The following KCNQ3 variants were observed in gnomAD, a reference collection of about 807,000 sequenced individuals.
KCNQ3 encodes the protein potassium voltage-gated channel subfamily Q member 3.
Under a neutral mutation model 92.5 loss-of-function variants are expected in KCNQ3, and 30 were observed. That is an observed-to-expected ratio of 0.32 (90% CI 0.24 to 0.44). The LOEUF is 0.44. KCNQ3 is among the 20% of genes least tolerant of loss of function. The pLI is 1.00. For synonymous variants in KCNQ3, 450 were observed against 468.8 expected (o/e 0.96, Z 0.52); for missense variants, 913 against 1,140.3 (o/e 0.80, Z 2.87).
chr8:132,277,914 C>A, intron 1 of KCNQ3: 1 of 981,782 alleles, frequency 1.0e-6, no homozygotes, highest in Middle Eastern at 5.2e-4. Context: ...CTGCTCCTAC[C>A]TCCCTCTCCT....
intron 1 of KCNQ3, among the ~76,000 whole-genome samples, chr8:132,323,170 T>G (rs1038783413): frequency 6.6e-6 from 1 of 152,164 alleles, no homozygotes; most frequent in East Asian, 1.9e-4. Flanking sequence ...AACAGCTCAG[T>G]GCCCTCTGTC....
At chr8:132,282,161 T>C (rs984789646) in intron 1 of KCNQ3, among the ~76,000 whole-genome samples, 13 of 152,164 alleles carry the variant, frequency 8.5e-5, no homozygotes, top group Admixed American at 3.9e-4. Flanking sequence ...GATAAAGAAC[T>C]GGTTTTATCT....
At chr8:132,167,008 A>G (rs1455843618) in intron 8 of KCNQ3, among the ~76,000 whole-genome samples, 1 of 152,216 alleles carries the variant, frequency 6.6e-6, no homozygotes, top group Non-Finnish European at 1.5e-5. Flanking sequence ...ACAAAAGCCA[A>G]AAAGTGGAAA....
chr8:132,444,000 T>A (rs1439265123), intron 1 of KCNQ3, among the ~76,000 whole-genome samples: 1 of 152,192 alleles, frequency 6.6e-6, no homozygotes, highest in Non-Finnish European at 1.5e-5. Context: ...CCTTTTCTTC[T>A]TATCAGAAAC....
chr8:132,151,071 T>C (rs1341098100), intron 9 of KCNQ3, among the ~76,000 whole-genome samples: 3 of 152,240 alleles, frequency 2.0e-5, no homozygotes, highest in African/African-American at 7.2e-5. Context: ...CTAGGTTGGC[T>C]AAATGTTTTA....
In KCNQ3 at chr8:132,122,100, A is replaced by AG. The variant is rs1824488314; in HGVS notation, c.*7161dup. ...GCTAGGGCCTGATTTGAGAGGAAGA[A>AG]GGGGGAGAGAGAATGAGCTTTCCAG... On this transcript the variant is annotated 3_prime_UTR_variant, in exon 15 of 15. Transcript: ENST00000388996. 6.6e-6 allele frequency: 1 copy of AG among 152,242 alleles called. No homozygotes were observed. Among genetic ancestry groups the AG allele is most frequent in the Non-Finnish European group, 1.5e-5 (1 of 68,064 alleles). The allele number at this position is 152,242 out of a possible 1,614,324, so 9.4% of individuals were successfully genotyped here.
intron 9 of KCNQ3, among the ~76,000 whole-genome samples, chr8:132,142,582 G>A (rs749785010): frequency 6.6e-6 from 1 of 152,130 alleles, no homozygotes; most frequent in African/African-American, 2.4e-5. Flanking sequence ...GCCACATTGC[G>A]TGTTTTCGCC....
intron 7 of KCNQ3, among the ~76,000 whole-genome samples, chr8:132,171,727 T>C (rs1826357531): frequency 6.6e-6 from 1 of 152,320 alleles, no homozygotes; most frequent in Non-Finnish European, 1.5e-5. Context: ...TTGTAGCTGA[T>C]TGGCTAAGTA....
intron 1 of KCNQ3, among the ~76,000 whole-genome samples, chr8:132,467,939 C>A (rs1335748062): frequency 6.6e-5 from 10 of 152,158 alleles, no homozygotes; most frequent in Non-Finnish European, 1.5e-4. Flanking sequence ...TGGGTCCTCC[C>A]CTTAGCAGCA....
intron 1 of KCNQ3, among the ~76,000 whole-genome samples, chr8:132,458,065 A>G (rs1189500866): frequency 1.3e-5 from 2 of 152,154 alleles, no homozygotes; most frequent in African/African-American, 4.8e-5. Flanking sequence ...CAAACCCTCC[A>G]TAAATCATGT....
At chr8:132,242,773 TATC>T (rs777007193) in intron 1 of KCNQ3, among the ~76,000 whole-genome samples, 3 of 152,246 alleles carry the variant, frequency 2.0e-5, no homozygotes, top group Non-Finnish European at 2.9e-5. Context: ...CCCCAGGGCT[TATC>T]ATGATACCTG....
At chr8:132,373,613 G>GT (rs1218677285) in intron 1 of KCNQ3, among the ~76,000 whole-genome samples, 1 of 152,078 alleles carries the variant, frequency 6.6e-6, no homozygotes, top group African/African-American at 2.4e-5. Context: ...GCTAACCAGC[G>GT]TAAGAACAAA....
At chr8:132,463,948 G>A (rs528656906) in intron 1 of KCNQ3, among the ~76,000 whole-genome samples, 87 of 152,310 alleles carry the variant, frequency 5.7e-4, no homozygotes, top group African/African-American at 1.9e-3. Flanking sequence ...ACTTTGGGAG[G>A]CTGAGGCGGG....
chr8:132,456,998 T>C (rs1821957469), intron 1 of KCNQ3, among the ~76,000 whole-genome samples: 1 of 152,184 alleles, frequency 6.6e-6, no homozygotes, highest in African/African-American at 2.4e-5. Context: ...TACATATGTA[T>C]TTTTGCTTCA....
chr8:132,372,513 T>C (rs1362098705), intron 1 of KCNQ3, among the ~76,000 whole-genome samples: 1 of 152,006 alleles, frequency 6.6e-6, no homozygotes, highest in Non-Finnish European at 1.5e-5. Context: ...CCCAGCACTT[T>C]GGGAGGCCGA....
chr8:132,245,334 A>T (rs1815134616), intron 1 of KCNQ3, among the ~76,000 whole-genome samples: 1 of 152,154 alleles, frequency 6.6e-6, no homozygotes, highest in African/African-American at 2.4e-5. Flanking sequence ...CCTGTTGTTC[A>T]GTGTCATCAT....
At chr8:132,276,917 T>A (rs1033615607) in intron 1 of KCNQ3, among the ~76,000 whole-genome samples, 1 of 152,188 alleles carries the variant, frequency 6.6e-6, no homozygotes, top group Non-Finnish European at 1.5e-5. Flanking sequence ...TCATAATAAA[T>A]ATGGAATGCT....
Position 132,404,827 on chromosome 8 carries a change from C to T in KCNQ3, c.386+75320G>A, listed in dbSNP as rs150436152. Reference sequence around the variant, plus strand: ...CACTTTATATAAAGATCAGGCAATTCACATGTGATAAGCATTTATCTTAAT... The same window carrying T: ...CACTTTATATAAAGATCAGGCAATTTACATGTGATAAGCATTTATCTTAAT... On this transcript the variant is annotated intron_variant, in intron 1 of 14. Transcript: ENST00000388996. 4.4e-3 allele frequency among the ~76,000 whole-genome samples: 674 copies of T among 152,288 alleles called. 3 individuals are homozygous for T. Among genetic ancestry groups the T allele is most frequent in the African/African-American group, 0.015 (629 of 41,536 alleles).
intron 1 of KCNQ3, among the ~76,000 whole-genome samples, chr8:132,342,761 C>T (rs547598487): frequency 2.6e-4 from 40 of 152,262 alleles, no homozygotes; most frequent in Middle Eastern, 3.4e-3. Context: ...ACTACAGTTT[C>T]AAATTTATAA....
Sources: gnomAD v4.1 joint callset for allele counts (sites outside exome capture counted in the v4.1 genomes callset) on GRCh38, gnomAD v4.1.1 for gene constraint, MANE v1.5 for transcripts, NCBI Gene and HGNC (gene_info 2026-07-23, HGNC 2026-07-21) for gene names.